KCNT2: variants seen among roughly 807,000 people sequenced by gnomAD.
The protein encoded by KCNT2 is potassium channel subfamily T member 2.
A neutral mutation model predicts 153.8 loss-of-function variants in KCNT2; 67 were observed. The ratio of observed to expected loss-of-function variants is 0.44; its 90% CI spans 0.36 to 0.53. The LOEUF is 0.53. KCNT2 is among the 20% of genes least tolerant of loss of function. The pLI is 0.00. For synonymous variants in KCNT2, 500 were observed against 458.8 expected (o/e 1.09, Z -1.15); for missense variants, 975 against 1,354.8 (o/e 0.72, Z 4.40).
At chr1:196,354,443 T>C (rs571769512) in intron 14 of KCNT2, among the ~76,000 whole-genome samples, 35 of 151,890 alleles carry the variant, frequency 2.3e-4, no homozygotes, top group African/African-American at 8.2e-4. Flanking sequence ...TATCTTTGCA[T>C]CAATGGGAAT....
At chr1:196,270,486 C>T (rs1484689735) in intron 25 of KCNT2, among the ~76,000 whole-genome samples, 2 of 151,942 alleles carry the variant, frequency 1.3e-5, no homozygotes, top group Non-Finnish European at 2.9e-5. Flanking sequence ...AAGAATATTG[C>T]TAGACAGCTG....
At chr1:196,564,698 T>C (rs958540796) in intron 1 of KCNT2, among the ~76,000 whole-genome samples, 6 of 151,692 alleles carry the variant, frequency 4.0e-5, no homozygotes, top group Non-Finnish European at 8.9e-5. Context: ...AAATAGATAC[T>C]TTAAAAGTCA....
intron 4 of KCNT2, among the ~76,000 whole-genome samples, chr1:196,480,955 G>A (rs1572597437): frequency 7.0e-6 from 1 of 142,862 alleles, no homozygotes; most frequent in South Asian, 2.3e-4. Context: ...TATATTTGAA[G>A]ATAATATATG....
chr1:196,562,477 T>C (rs185906708), intron 1 of KCNT2, among the ~76,000 whole-genome samples: 288 of 152,046 alleles, frequency 1.9e-3, no homozygotes, highest in Admixed American at 4.2e-3. Context: ...ATTCAGATGA[T>C]TGGAGGACTT....
chr1:196,591,249 T>C (rs1663323878), intron 1 of KCNT2, among the ~76,000 whole-genome samples: 1 of 152,042 alleles, frequency 6.6e-6, no homozygotes, highest in African/African-American at 2.4e-5. Flanking sequence ...CTCCCTCTCT[T>C]GCCATGAGAC....
chr1:196,392,031 A>C (rs1670535033), intron 13 of KCNT2, among the ~76,000 whole-genome samples: 1 of 151,360 alleles, frequency 6.6e-6, no homozygotes, highest in Non-Finnish European at 1.5e-5. Flanking sequence ...AGGGGTAAAA[A>C]TTTTAGCATT....
intron 8 of KCNT2, among the ~76,000 whole-genome samples, chr1:196,464,066 C>T (rs1344378105): frequency 6.6e-6 from 1 of 151,810 alleles, no homozygotes; most frequent in Non-Finnish European, 1.5e-5. Flanking sequence ...ACCATACATA[C>T]ATAATTTTTT....
At chr1:196,231,281 G>A (rs1005280875) in intron 27 of KCNT2, among the ~76,000 whole-genome samples, 2 of 151,776 alleles carry the variant, frequency 1.3e-5, no homozygotes, top group South Asian at 2.1e-4. Flanking sequence ...TGTATGCACC[G>A]GGAAACCAAA....
At chr1:196,236,479 A>T (rs1654450235) in intron 26 of KCNT2, among the ~76,000 whole-genome samples, 1 of 151,494 alleles carries the variant, frequency 6.6e-6, no homozygotes, top group Non-Finnish European at 1.5e-5. Context: ...ATTCTTGGGA[A>T]AAATAATATA....
chr1:196,435,683 TTCAG>T (rs1229010824), intron 8 of KCNT2, among the ~76,000 whole-genome samples: 2 of 151,716 alleles, frequency 1.3e-5, no homozygotes, highest in Non-Finnish European at 3.0e-5. Context: ...TAATACAAAG[TTCAG>T]TCAATCAGTT....
intron 8 of KCNT2, among the ~76,000 whole-genome samples, chr1:196,450,802 C>A (rs932774676): frequency 6.6e-6 from 1 of 151,830 alleles, no homozygotes; most frequent in Non-Finnish European, 1.5e-5. Flanking sequence ...TTTATTAAAA[C>A]GTCTATCTGA....
At chr1:196,407,344 T>G (rs16839886) in intron 12 of KCNT2, among the ~76,000 whole-genome samples, 8,742 of 151,574 alleles carry the variant, frequency 0.058, 392 homozygotes, top group Non-Finnish European at 0.085. Flanking sequence ...GGGATGTACA[T>G]CTGTCAAAAA....
intron 21 of KCNT2, among the ~76,000 whole-genome samples, chr1:196,306,343 G>A (rs941209525): frequency 2.6e-5 from 4 of 152,024 alleles, no homozygotes; most frequent in South Asian, 2.1e-4. Context: ...GAACAAATCA[G>A]CTCCTTCTGC....
chr1:196,461,077 A>G (rs984321770), intron 8 of KCNT2, among the ~76,000 whole-genome samples: 4 of 151,764 alleles, frequency 2.6e-5, no homozygotes, highest in African/African-American at 9.7e-5. Context: ...GTGGCAATTA[A>G]CACCATTAGA....
chr1:196,428,193 T>G lies in KCNT2; in HGVS notation c.896A>C (p.Glu299Ala). Residue 299 changes from glutamate (E) to alanine (A), a missense_variant, in exon 10 of 28, where the codon GAA becomes GCA. This residue lies in a region of KCNT2 where 202 missense variants were observed against 314.9 expected (regional missense o/e 0.64). Transcript: ENST00000294725. ...GCTGACACACAGGACGACATGCTTT[T>G]CAGTTTGAGCTCTATGTCGACTATA... is the stretch of plus-strand genomic sequence containing the variant. Reference protein sequence around the residue: ...GNYSRHRAQTEKHVVLCVSSL... With the variant: ...GNYSRHRAQTAKHVVLCVSSL... 1.2e-6 allele frequency: 2 copies of G among 1,612,608 alleles called. No homozygotes were observed. The highest frequency in any genetic ancestry group is 2.2e-5 in the East Asian group (1 of 44,736).
At chr1:196,259,799 A>G (rs1241453220) in intron 25 of KCNT2, among the ~76,000 whole-genome samples, 1 of 151,952 alleles carries the variant, frequency 6.6e-6, no homozygotes, top group African/African-American at 2.4e-5. Flanking sequence ...TCATCTCTTC[A>G]TTATAAAATA....
At chr1:196,299,527 C>T (rs927619313) in intron 22 of KCNT2, among the ~76,000 whole-genome samples, 1 of 152,082 alleles carries the variant, frequency 6.6e-6, no homozygotes, top group Non-Finnish European at 1.5e-5. Context: ...AAATGTAAAT[C>T]AAGGCCACAA....
chr1:196,566,809 C>G (rs896507211), intron 1 of KCNT2, among the ~76,000 whole-genome samples: 28 of 151,924 alleles, frequency 1.8e-4, no homozygotes, highest in African/African-American at 6.8e-4. Flanking sequence ...AATATGGGTA[C>G]CTTCCAGGAG....
intron 1 of KCNT2, among the ~76,000 whole-genome samples, chr1:196,555,137 A>G (rs12063992): frequency 0.019 from 2,828 of 151,470 alleles, 155 homozygotes; most frequent in East Asian, 0.15. Flanking sequence ...AGCACTAGCT[A>G]CAGCAATCAG....
Sources: gnomAD v4.1 joint callset for allele counts (sites outside exome capture counted in the v4.1 genomes callset) on GRCh38, gnomAD v4.1.1 for gene constraint, gnomAD v4.1.1 regional missense constraint, MANE v1.5 for transcripts, NCBI Gene and HGNC (gene_info 2026-07-23, HGNC 2026-07-21) for gene names.